ANKDD1A: variants seen among roughly 807,000 people sequenced by gnomAD.
ANKDD1A encodes the protein ankyrin repeat and death domain-containing protein 1A.
Under a neutral mutation model 63.5 loss-of-function variants are expected in ANKDD1A, and 59 were observed. The ratio of observed to expected loss-of-function variants is 0.93; its 90% CI spans 0.75 to 1.15. ANKDD1A has a LOEUF of 1.15. Among genes scored for constraint, ANKDD1A ranks in the 50% most tolerant of loss-of-function variants. The probability of loss-of-function intolerance (pLI) is 0.00; values close to 1 mark genes in which losing one functional copy is unlikely to be tolerated. For synonymous variants in ANKDD1A, 266 were observed against 263.9 expected, an observed-to-expected ratio of 1.01 and a Z score of -0.08; for missense variants, 632 against 656.4, an observed-to-expected ratio of 0.96 and a Z score of 0.41.
chr15:64,951,528 T>TTC (rs2085276433), intron 14 of ANKDD1A: 1 of 59,458 alleles, frequency 1.7e-5, no homozygotes, highest in Non-Finnish European at 4.0e-5. Flanking sequence ...GTTTTCTTCT[T>TTC]CCTCTTCCCT....
chr15:64,912,940 G>T (rs2084942574), intron 1 of ANKDD1A, among the ~76,000 whole-genome samples: 1 of 152,254 alleles, frequency 6.6e-6, no homozygotes, highest in African/African-American at 2.4e-5. Flanking sequence ...GTGTGGCAGA[G>T]AATTCTGGAC....
chr15:64,951,980 TCTTA>T (rs923858586), intron 14 of ANKDD1A, among the ~76,000 whole-genome samples: 5 of 150,382 alleles, frequency 3.3e-5, no homozygotes, highest in Middle Eastern at 3.4e-3. Context: ...TCTTCTTCCT[TCTTA>T]TTCTTCTTTC....
intron 9 of ANKDD1A, among the ~76,000 whole-genome samples, chr15:64,934,718 A>G (rs927683811): frequency 7.7e-5 from 11 of 142,542 alleles, no homozygotes; most frequent in African/African-American, 2.3e-4. Context: ...GGGTTTCACC[A>G]TGTTGGCCAG....
At chr15:64,947,735 C>A in intron 13 of ANKDD1A, 142 bp downstream of exon 13, 1 of 985,490 alleles carries the variant, frequency 1.0e-6, no homozygotes, top group Non-Finnish European at 1.5e-6. Flanking sequence ...ACACCTGGTG[C>A]TCTGTCCCTC....
rs542875246 is a variant in ANKDD1A at position 64,952,772 on chromosome 15, TTTC to T, written c.1483+2807_1483+2809del. On this transcript the variant is annotated intron_variant, in intron 14 of 14. Transcript: ENST00000319580. ...TCCTCTTCTCCTCCTCCTCCTTTCT[TTTC>T]TTCTTCCTTCTCCTTCTTCTTTTCT... is the stretch of plus-strand genomic sequence containing the variant. Among the ~76,000 whole-genome samples, 110 of 90,642 alleles carry T rather than the reference TTTC, an allele frequency of 1.2e-3. 1 individual carries two copies. The highest frequency in any genetic ancestry group is 6.9e-3 in the Middle Eastern group (1 of 144). The allele number at this position is 90,642 out of a possible 152,430, so 59.5% of individuals were successfully genotyped here.
At chr15:64,927,944 T>TTA (rs2085060231) in intron 6 of ANKDD1A, among the ~76,000 whole-genome samples, 1 of 152,308 alleles carries the variant, frequency 6.6e-6, no homozygotes, top group African/African-American at 2.4e-5. Context: ...AACAAAGAGA[T>TTA]TAACTCCATT....
Position 64,954,134 on chromosome 15 carries a change from CTCTTTCTTCTTGT to C in ANKDD1A, c.1484-2966_1484-2954del, listed in dbSNP as rs1462934037. ...TCCTTTCTTTTCTCCTTTCTTCTTC[CTCTTTCTTCTTGT>C]TCCTTATTATTCTTTCTTCTTTCTT... On this transcript the variant is annotated intron_variant, in intron 14 of 14. Transcript: ENST00000319580. Among the ~76,000 whole-genome samples, 229 of 120,994 alleles carry C rather than the reference CTCTTTCTTCTTGT, an allele frequency of 1.9e-3. 1 individual carries two copies. Among genetic ancestry groups the C allele is most frequent in the African/African-American group, 5.8e-3 (213 of 36,998 alleles). The allele number at this position is 120,994 out of a possible 152,430, so 79.4% of individuals were successfully genotyped here.
chr15:64,935,126 G>T (rs2140374396), intron 9 of ANKDD1A, among the ~76,000 whole-genome samples: 1 of 151,860 alleles, frequency 6.6e-6, no homozygotes, highest in South Asian at 2.1e-4. Context: ...TACTTGGGAG[G>T]CTGAGGCTAA....
Position 64,921,872 on chromosome 15 carries a change from G to T in ANKDD1A, c.268-49G>T, listed in dbSNP as rs114602209. 1,829 of 1,563,268 alleles carry T rather than the reference G, an allele frequency of 1.2e-3. 10 individuals are homozygous for T. The African/African-American group carries it at 0.022, about 19-fold the overall frequency. On this transcript the variant is annotated intron_variant, in intron 3 of 14. Transcript: ENST00000319580. ...TAAGGCACAGGGCCTGGCTGGCACA[G>T]CCACGCCTTCCCACATTCTTCTCAC...
chr15:64,940,279 A>G (rs894075016), intron 9 of ANKDD1A, among the ~76,000 whole-genome samples: 3 of 152,194 alleles, frequency 2.0e-5, no homozygotes, highest in East Asian at 1.9e-4. Context: ...ACCATGATAT[A>G]CTACTTTTCA....
intron 9 of ANKDD1A, among the ~76,000 whole-genome samples, chr15:64,936,833 G>A (rs1469079446): frequency 5.9e-5 from 9 of 151,786 alleles, no homozygotes; most frequent in Non-Finnish European, 1.2e-4. Context: ...AACAGAGTGA[G>A]ACCTTATCTC....
At position 64,954,057 on chromosome 15, in the gene ANKDD1A, TTCTTC is replaced by T. The variant is rs1179076821; in HGVS notation, c.1484-3044_1484-3040del. 1.7e-3 allele frequency among the ~76,000 whole-genome samples: 6 copies of T among 3,582 alleles called. No homozygotes were observed. The Non-Finnish European group carries it at 0.018, about 11-fold the overall frequency. 2.3% of individuals were successfully genotyped at this position (3,582 alleles called of 152,430 possible). ...TCTTCTTCCTCTTCTTCTTTTCTCC[TTCTTC>T]TTTCTTCTTCCTCTTTTCTTCTTCT... On this transcript the variant is annotated intron_variant, in intron 14 of 14. Transcript: ENST00000319580.
At chr15:64,953,730 TCCTCC>T (rs2085357674) in intron 14 of ANKDD1A, among the ~76,000 whole-genome samples, 4 of 127,064 alleles carry the variant, frequency 3.1e-5, no homozygotes, top group African/African-American at 9.4e-5. Flanking sequence ...CTCCTTCTTC[TCCTCC>T]TTCTTCTTTC....
intron 14 of ANKDD1A, among the ~76,000 whole-genome samples, chr15:64,951,593 T>TCC (rs2085279368): frequency 4.9e-5 from 7 of 141,562 alleles, no homozygotes; most frequent in East Asian, 4.1e-4. Context: ...TTCCTTTTCT[T>TCC]TCTTCTTTCT....
chr15:64,942,641 T>A lies in ANKDD1A; in HGVS notation c.966+76T>A, dbSNP rs996456186. 8.6e-6 allele frequency: 10 copies of A among 1,158,258 alleles called. No homozygotes were observed. The African/African-American group carries it at 1.4e-4, about 17-fold the overall frequency. 71.7% of individuals were successfully genotyped at this position (1,158,258 alleles called of 1,614,324 possible). On this transcript the variant is annotated intron_variant, in intron 10 of 14. Transcript: ENST00000319580. ...CCCAGGCTGGCAGGCTTGGCTGTGG[T>A]CTCCTAGCATGGCCCAGAGTTGAGG... is the stretch of plus-strand genomic sequence containing the variant.
chr15:64,944,595 C>T (rs2085209104), intron 11 of ANKDD1A, 57 bp from the exon 12 acceptor site: 1 of 1,531,934 alleles, frequency 6.5e-7, no homozygotes, highest in Non-Finnish European at 8.9e-7. Flanking sequence ...GTGCTAGAAA[C>T]CCTTGTGTAC....
chr15:64,917,555 G>T (rs1296647271), intron 3 of ANKDD1A, 41 bp downstream of exon 3: 2 of 1,538,974 alleles, frequency 1.3e-6, no homozygotes, highest in Admixed American at 2.0e-5. Flanking sequence ...GTGGTGGGGG[G>T]CACTGGAGAT....
chr15:64,954,750 C>T (rs1331403892), intron 14 of ANKDD1A, among the ~76,000 whole-genome samples: 69 of 97,094 alleles, frequency 7.1e-4, no homozygotes, highest in South Asian at 5.8e-3. Context: ...TCTCCTTCTT[C>T]TTTCTTTTTG....
chr15:64,953,615 C>CCTCTTCTCCTTCTTCTTAGTTCTTCTTAG (rs1206540695), intron 14 of ANKDD1A, among the ~76,000 whole-genome samples: 13 of 109,008 alleles, frequency 1.2e-4, no homozygotes, highest in East Asian at 2.2e-4. Context: ...TTCTTCTCTC[C>CCTCTTCTCCTTCTTCTTAGTTCTTCTTAG]TTCTTCTTCT....
Sources: allele counts gnomAD v4.1 joint callset (sites outside exome capture counted in the v4.1 genomes callset), GRCh38; gene constraint gnomAD v4.1.1; transcripts MANE v1.5; gene names NCBI Gene and HGNC (gene_info 2026-07-23, HGNC 2026-07-21).